NUDT13: variants seen among roughly 807,000 people sequenced by gnomAD.
NUDT13 encodes the protein NAD(P)H pyrophosphatase NUDT13, mitochondrial.
Under a neutral mutation model 41.7 loss-of-function variants are expected in NUDT13, and 40 were observed. The ratio of observed to expected loss-of-function variants is 0.96; its 90% CI spans 0.75 to 1.25. The LOEUF (loss-of-function observed/expected upper bound fraction) is 1.25, where lower values mean the gene tolerates loss of function less well. Ranked by LOEUF, NUDT13 falls within the 50% of genes most tolerant of loss-of-function variation. NUDT13 has a pLI of 0.00. For missense variants in NUDT13, 390 were observed against 416.1 expected (o/e 0.94, Z 0.55); for synonymous variants, 145 against 155.5 (o/e 0.93, Z 0.50).
Position 73,129,167 on chromosome 10 carries a change from C to CTTTT in NUDT13, c.859-1517_859-1514dup, listed in dbSNP as rs900393888. 2.3e-3 allele frequency among the ~76,000 whole-genome samples: 251 copies of CTTTT among 110,180 alleles called. 10 individuals are homozygous for CTTTT. The highest frequency in any genetic ancestry group is 8.2e-3 in the African/African-American group (226 of 27,702). 72.3% of individuals were successfully genotyped at this position (110,180 alleles called of 152,430 possible). ...AGTTGAAAGAAACTTAAGACGTTGT[C>CTTTT]TTTTTTTTTTTTTTTTTTTTTTGAG... On this transcript the variant is annotated intron_variant, in intron 8 of 8. Coordinates refer to ENST00000357321, the MANE Select transcript of NUDT13 (RefSeq NM_015901.6).
intron 5 of NUDT13, chr10:73,124,633 C>G: frequency 4.0e-6 from 1 of 251,724 alleles, no homozygotes; most frequent in Non-Finnish European, 7.5e-6. Context: ...TCATGTTTTC[C>G]CTAAGAGAAA....
intron 8 of NUDT13, among the ~76,000 whole-genome samples, chr10:73,129,495 C>A (rs1284765562): frequency 6.6e-6 from 1 of 151,902 alleles, no homozygotes. Context: ...TATCCAATCT[C>A]ATCTTGCACT....
At position 73,117,426 on chromosome 10, in the gene NUDT13, G is replaced by A. The variant is rs1361207898; in HGVS notation, c.84-2592G>A. ...ACAAAAATTAGCCAGGTGTGGTGGCGGGCACCTGTAATCCCAGCTACTTGG... is the reference window on the plus strand; with the variant it reads ...ACAAAAATTAGCCAGGTGTGGTGGCAGGCACCTGTAATCCCAGCTACTTGG... On this transcript the variant is annotated intron_variant, in intron 2 of 8. Transcript: ENST00000357321. 6.6e-5 allele frequency among the ~76,000 whole-genome samples: 10 copies of A among 151,012 alleles called. No homozygotes were observed. The South Asian group carries it at 1.7e-3, about 26-fold the overall frequency.
At position 73,114,362 on chromosome 10, in the gene NUDT13, G is replaced by C; in HGVS notation, c.-4G>C. The C allele has an allele frequency of 6.8e-7, 1 of 1,471,642 alleles. No homozygotes were observed. Among genetic ancestry groups the C allele is most frequent in the South Asian group, 1.3e-5 (1 of 76,460 alleles). The allele number at this position is 1,471,642 out of a possible 1,614,324, so 91.2% of individuals were successfully genotyped here. A position where few individuals can be genotyped will look rare whatever the true frequency, so the allele number is the denominator to read the frequency against. ...TCCTTTTTTTTTTTTTTAAGGACCT[G>C]ACAATGTCCCTGTATTGTGGAATAG... On this transcript the variant is annotated 5_prime_UTR_variant, in exon 2 of 9. Coordinates refer to ENST00000357321, the MANE Select transcript of NUDT13 (RefSeq NM_015901.6).
At position 73,126,799 on chromosome 10, in the gene NUDT13, A is replaced by G; in HGVS notation, c.830A>G (p.His277Arg). The G allele has an allele frequency of 1.2e-6, 2 of 1,614,188 alleles. No homozygotes were observed. The highest frequency in any genetic ancestry group is 8.5e-7 in the Non-Finnish European group (1 of 1,180,020). The change falls in exon 8 of 9, where the codon CAT becomes CGT. Residue 277 changes from histidine to arginine, a missense_variant. By Grantham distance (29) the His-to-Arg change is conservative. Coordinates refer to ENST00000357321, the MANE Select transcript of NUDT13 (RefSeq NM_015901.6). ...AGTGGCTCACTCATGATTGCTTGCC[A>G]TGCAACTGTGAAACCAGGGCAGACA... ...FPSGSLMIAC[H>R]ATVKPGQTEI...
chr10:73,114,341 T>TC lies in NUDT13; in HGVS notation c.-9-16_-9-15insC. 1 of 845,722 alleles carries TC rather than the reference T, an allele frequency of 1.2e-6. No individual in the cohort carries two copies. The highest frequency in any genetic ancestry group is 2.9e-5 in the South Asian group (1 of 34,340). The allele number at this position is 845,722 out of a possible 1,614,324, so 52.4% of individuals were successfully genotyped here. ...TATTATGACTTTTTTTAAAACTCCT[T>TC]TTTTTTTTTTTTAAGGACCTGACAA... On this transcript the variant is annotated splice_polypyrimidine_tract_variant and intron_variant, in intron 1 of 8. Coordinates refer to ENST00000357321, the MANE Select transcript of NUDT13 (RefSeq NM_015901.6).
At chr10:73,116,876 ATTTTTTTTTTTTT>A (rs56229464) in intron 2 of NUDT13, among the ~76,000 whole-genome samples, 4 of 81,836 alleles carry the variant, frequency 4.9e-5, no homozygotes, top group Non-Finnish European at 7.3e-5. Context: ...GACTACAAGA[ATTTTTTTTTTTTT>A]TTTTTTTTTT....
rs750528089 is a variant in NUDT13, at chr10:73,130,799, C to T, written c.955C>T (p.Gln319Ter). ...LKRKGPYTQQ[Q>*]NGTFPFWLPP... is the part of the protein sequence containing the mutation. ...GAGAAAGGGCCCCTATACTCAGCAACAGAATGGGACTTTCCCATTCTGGCT... is the reference window on the plus strand; with the variant it reads ...GAGAAAGGGCCCCTATACTCAGCAATAGAATGGGACTTTCCCATTCTGGCT... The change falls in exon 9 of 9, where the codon CAG becomes TAG. Residue 319 changes from glutamine (Q) to a stop codon, truncating the protein, a stop_gained. Coordinates refer to ENST00000357321, the MANE Select transcript of NUDT13 (RefSeq NM_015901.6). LOFTEE classifies it high-confidence loss of function. The T allele has an allele frequency of 1.9e-6, 3 of 1,613,584 alleles. No homozygotes were observed. Among genetic ancestry groups the T allele is most frequent in the South Asian group, 1.1e-5 (1 of 91,062 alleles).
rs753105189 is a variant in NUDT13, at chr10:73,130,926, G to A, written c.*23G>A. On this transcript the variant is annotated 3_prime_UTR_variant, in exon 9 of 9. Coordinates refer to ENST00000357321, the MANE Select transcript of NUDT13 (RefSeq NM_015901.6). ...TAGCCCGGATCAAGTCACTTAGATC[G>A]CTCCTTGGTATTCCTGAGGGACAAA... 1.0e-5 allele frequency: 16 copies of A among 1,590,710 alleles called. No individual in the cohort carries two copies. Among genetic ancestry groups the A allele is most frequent in the South Asian group, 7.7e-5 (7 of 90,334 alleles).
At chr10:73,118,983 A>G (rs1449892341) in intron 2 of NUDT13, among the ~76,000 whole-genome samples, 2 of 152,040 alleles carry the variant, frequency 1.3e-5, no homozygotes, top group Non-Finnish European at 2.9e-5. Flanking sequence ...AAACAAAAAA[A>G]GAAGGAAAAT....
chr10:73,112,506 A>G (rs558731257), intron 1 of NUDT13, among the ~76,000 whole-genome samples: 1 of 152,098 alleles, frequency 6.6e-6, no homozygotes, highest in Admixed American at 6.5e-5. Context: ...TTAAGGTATT[A>G]AAGTATAATA....
intron 2 of NUDT13, among the ~76,000 whole-genome samples, chr10:73,116,876 ATTTTTTT>A (rs56229464): frequency 2.4e-5 from 2 of 81,832 alleles, no homozygotes; most frequent in African/African-American, 4.9e-5. Context: ...GACTACAAGA[ATTTTTTT>A]TTTTTTTTTT....
chr10:73,125,663 A>T (rs1046565950), intron 7 of NUDT13, 154 bp downstream of exon 7: 12 of 131,896 alleles, frequency 9.1e-5, no homozygotes. Flanking sequence ...ATATATATAT[A>T]TATATATATA....
rs185760799 is a variant in NUDT13, at chr10:73,114,521, A to G, written c.83+73A>G. 34 of 607,462 alleles carry G rather than the reference A, an allele frequency of 5.6e-5. 1 individual carries two copies. The African/African-American group carries it at 6.2e-4, about 11-fold the overall frequency. The allele number at this position is 607,462 out of a possible 1,614,324, so 37.6% of individuals were successfully genotyped here. A position where few individuals can be genotyped will look rare whatever the true frequency, so the allele number is the denominator to read the frequency against. On this transcript the variant is annotated intron_variant, in intron 2 of 8. Coordinates refer to ENST00000357321, the MANE Select transcript of NUDT13 (RefSeq NM_015901.6). ...AACTATTGTGATATTATGATTTTAT[A>G]TATATATTTAGGTTTATGATTATTA...
chr10:73,111,473 G>A (rs556133316), intron 1 of NUDT13, among the ~76,000 whole-genome samples: 2 of 152,226 alleles, frequency 1.3e-5, no homozygotes, highest in South Asian at 4.1e-4. Flanking sequence ...TTTTTGTCAC[G>A]CTGTAGTACT....
Position 73,126,706 on chromosome 10 carries a change from T to C in NUDT13, c.737T>C (p.Val246Ala), listed in dbSNP as rs771042902. 106 of 1,613,908 alleles carry C rather than the reference T, an allele frequency of 6.6e-5. No homozygotes were observed. In the South Asian group the frequency reaches 8.6e-4, roughly 13 times the overall value. ...ESVEETIRRE[V>A]AEEVGLEVES... ...GTGGAAGAGACCATCCGCCGAGAAG[T>C]TGCAGAAGAGGTGGGATTGGAGGTG... The change falls in exon 8 of 9, where the codon GTT (valine) becomes GCT (alanine). Residue 246 changes from valine to alanine, a missense_variant. Transcript: ENST00000357321.
At chr10:73,111,412 C>T (rs774884572) in intron 1 of NUDT13, among the ~76,000 whole-genome samples, 2 of 152,074 alleles carry the variant, frequency 1.3e-5, no homozygotes, top group Non-Finnish European at 2.9e-5. Context: ...CTCGCTCTGT[C>T]GCCCAGGCTG....
intron 7 of NUDT13, 65 bp downstream of exon 7, chr10:73,125,574 TC>T (rs1340856854): frequency 8.2e-6 from 9 of 1,096,030 alleles, no homozygotes; most frequent in Middle Eastern, 5.8e-4. Flanking sequence ...TACAATCTTC[TC>T]TGTCTTGTTG....
At chr10:73,121,804 C>T (rs1842651178) in intron 3 of NUDT13, among the ~76,000 whole-genome samples, 1 of 152,112 alleles carries the variant, frequency 6.6e-6, no homozygotes, top group Admixed American at 6.6e-5. Context: ...AGTGATCCTC[C>T]CTGCCCCCCA....
Sources: allele counts gnomAD v4.1 joint callset (sites outside exome capture counted in the v4.1 genomes callset), GRCh38; gene constraint gnomAD v4.1.1; transcripts MANE v1.5; gene names NCBI Gene and HGNC (gene_info 2026-07-23, HGNC 2026-07-21).